COL4A6: variants seen among roughly 807,000 people sequenced by gnomAD.
The protein encoded by COL4A6 is collagen alpha-6(IV) chain.
Under a neutral mutation model 126.7 loss-of-function variants are expected in COL4A6, and 59 were observed. The ratio of observed to expected loss-of-function variants is 0.47; its 90% CI spans 0.38 to 0.58. COL4A6 has a LOEUF of 0.58. COL4A6 is among the 20% of genes least tolerant of loss of function. The pLI is 0.00. For synonymous variants in COL4A6, 547 were observed against 496.6 expected (o/e 1.10, Z -1.35); for missense variants, 1,285 against 1,337.3 (o/e 0.96, Z 0.61).
Position 108,205,640 on chromosome X carries a change from C to T in COL4A6, c.645+20G>A. ...ACTTAGGAGTAGGAAGCAAAATGCC[C>T]TAAGACAAAGTATACTTACATCAGG... On this transcript the variant is annotated intron_variant, in intron 10 of 44. Transcript: ENST00000334504. 1 of 1,205,670 alleles carries T rather than the reference C, an allele frequency of 8.3e-7. No individual in the cohort carries two copies. The highest frequency in any genetic ancestry group is 1.1e-6 in the Non-Finnish European group (1 of 891,840).
chrX:108,325,318 A>G (rs1431399165), intron 2 of COL4A6, among the ~76,000 whole-genome samples: 6 of 112,128 alleles, frequency 5.4e-5, no homozygotes. Context: ...CCACAGTGAG[A>G]TGCAAAACTA....
intron 18 of COL4A6, among the ~76,000 whole-genome samples, chrX:108,191,880 T>C (rs969815762): frequency 8.9e-6 from 1 of 111,859 alleles, no homozygotes; most frequent in African/African-American, 3.3e-5. Context: ...ATAGGTATCC[T>C]CACAGCAGCC....
intron 9 of COL4A6, among the ~76,000 whole-genome samples, chrX:108,205,925 C>A (rs1314964794): frequency 9.0e-6 from 1 of 111,223 alleles, no homozygotes; most frequent in African/African-American, 3.3e-5. Flanking sequence ...TCATTCCTCC[C>A]AACAGGCCAG....
chrX:108,162,815 G>A (rs2034003133), intron 41 of COL4A6, 77 bp downstream of exon 41: 1 of 1,012,621 alleles, frequency 9.9e-7, no homozygotes, highest in South Asian at 2.6e-5. Context: ...ACCCTTGGAG[G>A]TGGACATCCA....
chrX:108,200,386 G>A (rs1359339345), intron 13 of COL4A6, among the ~76,000 whole-genome samples: 1 of 112,254 alleles, frequency 8.9e-6, no homozygotes, highest in Non-Finnish European at 1.9e-5. Flanking sequence ...TTTCAGATCA[G>A]CCACATTTCA....
At chrX:108,304,418 C>G (rs2038573870) in intron 3 of COL4A6, among the ~76,000 whole-genome samples, 1 of 111,003 alleles carries the variant, frequency 9.0e-6, no homozygotes, top group African/African-American at 3.3e-5. Context: ...GATTTTCTAC[C>G]CCGTCCTTTA....
intron 2 of COL4A6, among the ~76,000 whole-genome samples, chrX:108,415,824 G>T (rs767388090): frequency 8.9e-6 from 1 of 112,284 alleles, no homozygotes; most frequent in African/African-American, 3.2e-5. Flanking sequence ...TAAGGTTTAT[G>T]CAAAGGAGAT....
chrX:108,221,606 C>T (rs965858599), intron 3 of COL4A6, among the ~76,000 whole-genome samples: 1 of 112,423 alleles, frequency 8.9e-6, no homozygotes, highest in Non-Finnish European at 1.9e-5. Flanking sequence ...TCATGTGCAC[C>T]AAGATCCTTC....
At chrX:108,253,417 ACTGT>A (rs1382794675) in intron 3 of COL4A6, among the ~76,000 whole-genome samples, 1 of 111,941 alleles carries the variant, frequency 8.9e-6, no homozygotes, top group African/African-American at 3.2e-5. Flanking sequence ...AGATACTCCC[ACTGT>A]CTGTTAAATC....
At chrX:108,362,961 A>G (rs779547283) in intron 2 of COL4A6, among the ~76,000 whole-genome samples, 4 of 111,948 alleles carry the variant, frequency 3.6e-5, no homozygotes, top group Non-Finnish European at 7.5e-5. Context: ...GGTATGATCT[A>G]CCCTTGAGTG....
intron 3 of COL4A6, among the ~76,000 whole-genome samples, chrX:108,264,847 C>A (rs931844444): frequency 2.8e-4 from 31 of 110,970 alleles, no homozygotes; most frequent in African/African-American, 9.8e-4. Flanking sequence ...CTGAAGTCTG[C>A]AAATGAGGAA....
chrX:108,226,719 G>A (rs752915606), intron 3 of COL4A6, among the ~76,000 whole-genome samples: 1 of 111,239 alleles, frequency 9.0e-6, no homozygotes, highest in East Asian at 2.8e-4. Flanking sequence ...TCAGTAAATG[G>A]CACCATTCAT....
intron 13 of COL4A6, among the ~76,000 whole-genome samples, chrX:108,199,802 T>A (rs2035333818): frequency 9.0e-6 from 1 of 111,512 alleles, no homozygotes. Flanking sequence ...CATAAAATCC[T>A]TTTCAGAGAT....
upstream of COL4A6, chrX:108,439,443 G>A: frequency 1.7e-6 from 1 of 574,280 alleles, no homozygotes; most frequent in Non-Finnish European, 2.5e-6. Flanking sequence ...GTGAGCAGCT[G>A]GAAGGTAAAG....
At chrX:108,289,647 C>A (rs1231650025) in intron 3 of COL4A6, among the ~76,000 whole-genome samples, 1 of 111,647 alleles carries the variant, frequency 9.0e-6, no homozygotes, top group East Asian at 2.8e-4. Flanking sequence ...GACTTGCAGG[C>A]AGCAACCTCC....
In COL4A6 at chrX:108,221,319, C is replaced by A. The variant is rs867776404; in HGVS notation, c.200G>T (p.Gly67Val). Residue 67 changes from glycine to valine, a missense_variant, in exon 4 of 45, where the codon GGC becomes GTC. Coordinates refer to ENST00000334504, the MANE Select transcript of COL4A6 (RefSeq NM_033641.4). The stretch of plus-strand genomic sequence containing the variant: ...TTTCAATCCCGATAAACCAGTAGAG[C>A]CAGTGAATCCTTGAGGACCTGTTGG... ...QGPTGPQGFT[G>V]STGLSGLKGE... The A allele has an allele frequency of 1.7e-5, 20 of 1,210,117 alleles. No individual in the cohort carries two copies. Among genetic ancestry groups the A allele is most frequent in the Non-Finnish European group, 2.1e-5 (19 of 895,038 alleles).
In COL4A6 at chrX:108,425,733, A is replaced by ACACAC. The variant is rs1429344016; in HGVS notation, c.63+12208_63+12209insGTGTG. 2.5e-3 allele frequency among the ~76,000 whole-genome samples: 230 copies of ACACAC among 90,583 alleles called. 1 individual carries two copies. The highest frequency in any genetic ancestry group is 0.019 in the East Asian group (53 of 2,773). The allele number at this position is 90,583 out of a possible 115,157, so 78.7% of individuals were successfully genotyped here. On this transcript the variant is annotated intron_variant, in intron 2 of 44. Transcript: ENST00000334504. ...TGGGCGACAGCACAACACACACACA[A>ACACAC]ACACACACACACACACACACACACA...
At chrX:108,332,022 G>A (rs1306328830) in intron 2 of COL4A6, among the ~76,000 whole-genome samples, 1 of 111,093 alleles carries the variant, frequency 9.0e-6, no homozygotes, top group South Asian at 3.8e-4. Flanking sequence ...ACTTTTTGGA[G>A]TATCCAATGT....
In COL4A6 at chrX:108,317,676, A is replaced by G. The variant is rs1237421409; in HGVS notation, c.64-6848T>C. On this transcript the variant is annotated intron_variant, in intron 2 of 44. Transcript: ENST00000334504. Reference sequence around the variant, plus strand: ...GCCAGTTTTCCCAGCACCATTTATTAAATAGGGAATCCTTTCCCCATTGCT... The same window carrying G: ...GCCAGTTTTCCCAGCACCATTTATTGAATAGGGAATCCTTTCCCCATTGCT... Among the ~76,000 whole-genome samples, 3 of 111,286 alleles carry G rather than the reference A, an allele frequency of 2.7e-5. No homozygotes were observed. In the East Asian group the frequency reaches 8.5e-4, roughly 32 times the overall value.
Sources: gnomAD v4.1 joint callset for allele counts (sites outside exome capture counted in the v4.1 genomes callset) on GRCh38, gnomAD v4.1.1 for gene constraint, MANE v1.5 for transcripts, NCBI Gene and HGNC (gene_info 2026-07-23, HGNC 2026-07-21) for gene names.